STPG2: variants seen among roughly 807,000 people sequenced by gnomAD.
The protein encoded by STPG2 is sperm-tail PG-rich repeat-containing protein 2.
STPG2 carries 56 observed loss-of-function variants against 54.2 expected under a neutral mutation model. The observed-to-expected ratio is 1.03, with a 90% CI of 0.83 to 1.29. The LOEUF is 1.29. STPG2 is among the 50% of genes most tolerant of loss of function. STPG2 has a pLI of 0.00. For synonymous variants in STPG2, 200 were observed against 181.8 expected (o/e 1.10, Z -0.81); for missense variants, 596 against 544.9 (o/e 1.09, Z -0.93).
At chr4:97,797,146 G>T (rs995934239) in intron 9 of STPG2, among the ~76,000 whole-genome samples, 1 of 152,186 alleles carries the variant, frequency 6.6e-6, no homozygotes, top group African/African-American at 2.4e-5. Context: ...GAGACAATTT[G>T]ATTTCCTCTT....
chr4:97,457,168 A>G (rs1578314039), intron 4 of STPG2, among the ~76,000 whole-genome samples: 1 of 152,218 alleles, frequency 6.6e-6, no homozygotes, highest in Non-Finnish European at 1.5e-5. Context: ...ACAAAATGAC[A>G]CAGCCACTTT....
chr4:97,821,566 TGCACTAGTA>T, intron 9 of STPG2, among the ~76,000 whole-genome samples: 1 of 152,294 alleles, frequency 6.6e-6, no homozygotes, highest in Middle Eastern at 3.4e-3. Flanking sequence ...CCCTCCACAT[TGCACTAGTA>T]GAGTTTCTCT....
At chr4:97,497,341 T>A (rs1436915262) in intron 4 of STPG2, among the ~76,000 whole-genome samples, 1 of 151,850 alleles carries the variant, frequency 6.6e-6, no homozygotes, top group African/African-American at 2.4e-5. Flanking sequence ...GTCAATTATT[T>A]AACATTATTG....
At chr4:97,892,403 G>C (rs997663389) in intron 8 of STPG2, among the ~76,000 whole-genome samples, 9 of 152,038 alleles carry the variant, frequency 5.9e-5, no homozygotes, top group African/African-American at 2.2e-4. Flanking sequence ...CAGAATAACA[G>C]TCTATTGCCA....
At chr4:97,653,763 T>G (rs994772792) in intron 10 of STPG2, among the ~76,000 whole-genome samples, 2 of 152,108 alleles carry the variant, frequency 1.3e-5, no homozygotes, top group African/African-American at 2.4e-5. Flanking sequence ...GTCCAGAAGA[T>G]GACCCTAAGA....
At chr4:97,773,313 TTTATTA>T (rs892431336) in intron 9 of STPG2, among the ~76,000 whole-genome samples, 1 of 151,840 alleles carries the variant, frequency 6.6e-6, no homozygotes, top group South Asian at 2.1e-4. Flanking sequence ...TACTGTATAA[TTTATTA>T]TTATTATTAT....
At chr4:97,734,945 C>T (rs911955404) in intron 9 of STPG2, among the ~76,000 whole-genome samples, 20 of 151,724 alleles carry the variant, frequency 1.3e-4, no homozygotes, top group Admixed American at 4.6e-4. Flanking sequence ...TGGTGGCAGG[C>T]GCCTGTAGTC....
intron 9 of STPG2, among the ~76,000 whole-genome samples, chr4:97,782,644 A>G (rs1726683071): frequency 6.6e-6 from 1 of 152,214 alleles, no homozygotes; most frequent in Non-Finnish European, 1.5e-5. Context: ...CCAAAAGAAG[A>G]AAGCTAGAGG....
intron 8 of STPG2, among the ~76,000 whole-genome samples, chr4:97,861,146 A>T (rs1020455005): frequency 6.6e-6 from 1 of 152,204 alleles, no homozygotes; most frequent in Non-Finnish European, 1.5e-5. Context: ...ACTCTATAGG[A>T]AAAATACAAT....
At chr4:97,738,555 T>C (rs1460230037) in intron 9 of STPG2, among the ~76,000 whole-genome samples, 1 of 152,042 alleles carries the variant, frequency 6.6e-6, no homozygotes, top group East Asian at 1.9e-4. Flanking sequence ...AGGCAGGGGT[T>C]CCAATCCTAG....
intron 10 of STPG2, among the ~76,000 whole-genome samples, chr4:97,607,275 C>T (rs1299824365): frequency 6.6e-6 from 1 of 151,850 alleles, no homozygotes; most frequent in Non-Finnish European, 1.5e-5. Flanking sequence ...CTCTCTCCCT[C>T]TCTTTTTCTC....
At chr4:98,042,303 CT>C (rs1241829866) in intron 5 of STPG2, among the ~76,000 whole-genome samples, 1 of 151,138 alleles carries the variant, frequency 6.6e-6, no homozygotes, top group Non-Finnish European at 1.5e-5. Context: ...TTTTTTTGTA[CT>C]TTTTTTACTT....
At chr4:97,919,001 G>A (rs1731994471) in intron 8 of STPG2, among the ~76,000 whole-genome samples, 1 of 152,116 alleles carries the variant, frequency 6.6e-6, no homozygotes, top group Non-Finnish European at 1.5e-5. Flanking sequence ...TTAATAGATT[G>A]AAATAATTGA....
chr4:97,839,237 T>C (rs1728721990), intron 9 of STPG2, among the ~76,000 whole-genome samples: 1 of 151,630 alleles, frequency 6.6e-6, no homozygotes, highest in African/African-American at 2.4e-5. Flanking sequence ...ATCTTTTGTA[T>C]TCTCATGAGG....
chr4:97,700,811 T>C (rs1214993122), intron 10 of STPG2, among the ~76,000 whole-genome samples: 3 of 152,246 alleles, frequency 2.0e-5, no homozygotes, highest in Non-Finnish European at 2.9e-5. Context: ...CTGATGGGCC[T>C]TATGGACAGG....
intron 5 of STPG2, among the ~76,000 whole-genome samples, chr4:98,010,346 T>C (rs1480076683): frequency 6.6e-6 from 1 of 152,164 alleles, no homozygotes; most frequent in Admixed American, 6.6e-5. Flanking sequence ...ATTTCTTCAT[T>C]GACCTGGCCC....
intron 10 of STPG2, among the ~76,000 whole-genome samples, chr4:97,681,544 C>T (rs1723034715): frequency 6.6e-6 from 1 of 151,790 alleles, no homozygotes; most frequent in South Asian, 2.1e-4. Flanking sequence ...TTTTTTAATT[C>T]TCCATTTTTA....
chr4:98,059,389 C>T (rs980734813), intron 5 of STPG2, among the ~76,000 whole-genome samples: 9 of 151,848 alleles, frequency 5.9e-5, no homozygotes, highest in African/African-American at 1.9e-4. Flanking sequence ...TGAAAATGAG[C>T]TCCAAAACTG....
intron 9 of STPG2, among the ~76,000 whole-genome samples, chr4:97,723,011 A>C (rs1724504770): frequency 7.6e-6 from 1 of 131,512 alleles, no homozygotes. Flanking sequence ...ACGGGGTTTC[A>C]CCATGTTAGC....
Sources: allele counts gnomAD v4.1 joint callset (sites outside exome capture counted in the v4.1 genomes callset), GRCh38; gene constraint gnomAD v4.1.1; transcripts MANE v1.5; gene names NCBI Gene and HGNC (gene_info 2026-07-23, HGNC 2026-07-21).